Variants in LARGE1 observed in about 807,000 individuals in gnomAD.
LARGE1 encodes the protein LARGE xylosyl- and glucuronyltransferase 1, also known as xylosyl- and glucuronyltransferase LARGE1.
LARGE1 carries 43 observed loss-of-function variants against 87.6 expected under a neutral mutation model. The observed-to-expected ratio is 0.49, with a 90% CI of 0.38 to 0.63. LARGE1 has a LOEUF of 0.63. LARGE1 is among the 30% of genes least tolerant of loss of function. LARGE1 has a pLI of 0.00. For synonymous variants in LARGE1, 434 were observed against 394.6 expected, an observed-to-expected ratio of 1.10 and a Z score of -1.18; for missense variants, 802 against 1,000.2, an observed-to-expected ratio of 0.80 and a Z score of 2.67.
intron 2 of LARGE1, among the ~76,000 whole-genome samples, chr22:33,715,228 C>T (rs2082874119): frequency 6.6e-6 from 1 of 152,164 alleles, no homozygotes; most frequent in Non-Finnish European, 1.5e-5. Context: ...GGCCTACAAC[C>T]CAGAGTTACC....
chr22:33,335,451 T>A (rs1349625236), intron 10 of LARGE1, among the ~76,000 whole-genome samples: 1 of 152,194 alleles, frequency 6.6e-6, no homozygotes, highest in Non-Finnish European at 1.5e-5. Context: ...ACCAGGGTCA[T>A]CCTGATAAAA....
At position 33,483,063 on chromosome 22, in the gene LARGE1, T is replaced by C. The variant is rs1342882985; in HGVS notation, c.788-50798A>G. Among the ~76,000 whole-genome samples the C allele has an allele frequency of 2.0e-5, 3 of 152,356 alleles. No homozygotes were observed. The East Asian group carries it at 5.8e-4, about 29-fold the overall frequency. ...GTGTATCTTCATTAGGTTGTAGTTA[T>C]GTGTCTTGTGTTCTGTTTACTATTA... On this transcript the variant is annotated intron_variant, in intron 6 of 14. Transcript: ENST00000397394.
At chr22:33,389,236 C>T (rs541598451) in intron 7 of LARGE1, among the ~76,000 whole-genome samples, 10 of 152,366 alleles carry the variant, frequency 6.6e-5, no homozygotes, top group South Asian at 4.1e-4. Context: ...CCTGAACACA[C>T]GCACAGGCAA....
At chr22:33,444,808 T>C (rs1378088185) in intron 6 of LARGE1, among the ~76,000 whole-genome samples, 3 of 152,132 alleles carry the variant, frequency 2.0e-5, no homozygotes, top group Non-Finnish European at 4.4e-5. Context: ...AGGCGGTCCC[T>C]TCCCTCAGTG....
chr22:33,743,699 C>T (rs1338323764), intron 2 of LARGE1, among the ~76,000 whole-genome samples: 1 of 152,226 alleles, frequency 6.6e-6, no homozygotes, highest in Non-Finnish European at 1.5e-5. Context: ...CACCACAACT[C>T]TTTGAGGTAG....
chr22:33,408,020 G>A (rs1223978594), intron 7 of LARGE1, among the ~76,000 whole-genome samples: 4 of 146,320 alleles, frequency 2.7e-5, no homozygotes, highest in East Asian at 2.0e-4. Context: ...TTTTTCTGTC[G>A]CCCAGGCTGG....
chr22:33,202,198 C>G (rs191905903), intron 11 of LARGE1, among the ~76,000 whole-genome samples: 2 of 152,166 alleles, frequency 1.3e-5, no homozygotes, highest in Admixed American at 1.3e-4. Context: ...ACATGAAGCA[C>G]TGGGACACTA....
chr22:33,556,907 G>C (rs148959575), intron 6 of LARGE1, among the ~76,000 whole-genome samples: 464 of 152,246 alleles, frequency 3.0e-3, no homozygotes, highest in African/African-American at 0.011. Flanking sequence ...TCGGGAGGCT[G>C]AGGCAGGGGA....
rs893938581 is a variant in LARGE1, at chr22:33,273,415, G to A, written c.*1012C>T. 1.3e-5 allele frequency: 5 copies of A among 398,564 alleles called. No individual in the cohort carries two copies. Among genetic ancestry groups the A allele is most frequent in the Non-Finnish European group, 2.2e-5 (5 of 226,056 alleles). The allele number at this position is 398,564 out of a possible 1,614,324, so 24.7% of individuals were successfully genotyped here. A position where few individuals can be genotyped will look rare whatever the true frequency, so the allele number is the denominator to read the frequency against. ...TGGATACGTGAATCTTCAGAACTGG[G>A]CTTTCATGAATTATGAAAGTTCTTC... is the stretch of plus-strand genomic sequence containing the variant. On this transcript the variant is annotated 3_prime_UTR_variant, in exon 15 of 15. Coordinates refer to ENST00000397394, the MANE Select transcript of LARGE1 (RefSeq NM_133642.5).
intron 11 of LARGE1, among the ~76,000 whole-genome samples, chr22:33,215,016 C>A (rs1478109507): frequency 6.6e-6 from 1 of 152,142 alleles, no homozygotes; most frequent in Non-Finnish European, 1.5e-5. Context: ...TCTGGGCCTA[C>A]AATGGGAGGG....
chr22:33,887,756 T>TCACC (rs2064895879), intron 1 of LARGE1, among the ~76,000 whole-genome samples: 1 of 150,788 alleles, frequency 6.6e-6, no homozygotes. Context: ...AAAAAAAAAA[T>TCACC]CACCCAGTTG....
At chr22:33,250,455 C>T (rs1040784908) in intron 11 of LARGE1, among the ~76,000 whole-genome samples, 1 of 152,178 alleles carries the variant, frequency 6.6e-6, no homozygotes, top group Non-Finnish European at 1.5e-5. Flanking sequence ...ACAATCATGT[C>T]ATCTGTGAAC....
chr22:33,404,681 G>T (rs953689742), intron 7 of LARGE1, among the ~76,000 whole-genome samples: 1 of 152,226 alleles, frequency 6.6e-6, no homozygotes, highest in African/African-American at 2.4e-5. Flanking sequence ...GCTTTCTCGT[G>T]TCAATCGTTT....
In LARGE1 at chr22:33,617,249, A is replaced by G. The variant is rs2079606885; in HGVS notation, c.491+8995T>C. Among the ~76,000 whole-genome samples, 3 of 152,216 alleles carry G rather than the reference A, an allele frequency of 2.0e-5. No individual in the cohort carries two copies. The South Asian group carries it at 6.2e-4, about 32-fold the overall frequency. On this transcript the variant is annotated intron_variant, in intron 4 of 14. Coordinates refer to ENST00000397394, the MANE Select transcript of LARGE1 (RefSeq NM_133642.5). Reference sequence around the variant, plus strand: ...AGACTAACGGCCATAAAGGAGGCTTATTTCATTCTTTATATGCGTGACTTC... The same window carrying G: ...AGACTAACGGCCATAAAGGAGGCTTGTTTCATTCTTTATATGCGTGACTTC...
chr22:33,287,932 G>A, intron 12 of LARGE1, among the ~76,000 whole-genome samples: 1 of 152,212 alleles, frequency 6.6e-6, no homozygotes, highest in East Asian at 1.9e-4. Flanking sequence ...CTACTAGGCT[G>A]TCTTCTTGGG....
chr22:33,517,362 C>T (rs1046604211), intron 6 of LARGE1, among the ~76,000 whole-genome samples: 10 of 152,164 alleles, frequency 6.6e-5, no homozygotes, highest in African/African-American at 1.9e-4. Flanking sequence ...GGGCTGAACT[C>T]GGTGGAGTAG....
intron 1 of LARGE1, among the ~76,000 whole-genome samples, chr22:33,804,332 G>A (rs2086248532): frequency 6.6e-6 from 1 of 152,160 alleles, no homozygotes; most frequent in South Asian, 2.1e-4. Context: ...AACCTCTTTG[G>A]TTCAAACCAG....
chr22:33,230,542 C>T (rs896831254), intron 11 of LARGE1, among the ~76,000 whole-genome samples: 5 of 152,002 alleles, frequency 3.3e-5, no homozygotes, highest in Admixed American at 2.0e-4. Context: ...TCTTTTTCTC[C>T]CAAGAAAAAG....
chr22:33,068,754 C>T, the LARGE1 span, among the ~76,000 whole-genome samples: 1 of 152,218 alleles, frequency 6.6e-6, no homozygotes, highest in Non-Finnish European at 1.5e-5. Context: ...TCATTCATTG[C>T]TCCTCTGGGA....
Sources: allele counts gnomAD v4.1 joint callset (sites outside exome capture counted in the v4.1 genomes callset), GRCh38; gene constraint gnomAD v4.1.1; transcripts MANE v1.5; gene names NCBI Gene and HGNC (gene_info 2026-07-23, HGNC 2026-07-21).